The following CLIC4 variants were observed in gnomAD, a reference collection of about 807,000 sequenced individuals.
The protein encoded by CLIC4 is chloride intracellular channel protein 4.
Under a neutral mutation model 24.6 loss-of-function variants are expected in CLIC4, and 13 were observed. That is an observed-to-expected ratio of 0.53 (90% CI 0.34 to 0.84). The LOEUF (loss-of-function observed/expected upper bound fraction) is 0.84, where lower values mean the gene tolerates loss of function less well. Among genes scored for constraint, CLIC4 ranks in the 40% least tolerant of loss-of-function variants. The pLI, the probability that CLIC4 is intolerant of heterozygous loss-of-function variation, is 0.01. For missense variants in CLIC4, 227 were observed against 301.7 expected, an observed-to-expected ratio of 0.75 and a Z score of 1.83; for synonymous variants, 104 against 111.3, an observed-to-expected ratio of 0.93 and a Z score of 0.41.
At chr1:24,761,244 T>C (rs1363083225) in intron 1 of CLIC4, among the ~76,000 whole-genome samples, 1 of 152,134 alleles carries the variant, frequency 6.6e-6, no homozygotes, top group Non-Finnish European at 1.5e-5. Context: ...AATTTATTAA[T>C]ACCTCATAGA....
intron 2 of CLIC4, among the ~76,000 whole-genome samples, chr1:24,803,658 A>G (rs190105713): frequency 2.2e-4 from 33 of 152,348 alleles, no homozygotes; most frequent in Admixed American, 1.7e-3. Flanking sequence ...AAGAATTTCA[A>G]TTTACATCAA....
chr1:24,794,016 A>G (rs1354663857), intron 1 of CLIC4, among the ~76,000 whole-genome samples: 3 of 151,096 alleles, frequency 2.0e-5, no homozygotes, highest in Admixed American at 6.6e-5. Flanking sequence ...ATCTCTAGCA[A>G]TGTCAGAACG....
chr1:24,806,061 G>A (rs1257489451), intron 2 of CLIC4, among the ~76,000 whole-genome samples: 1 of 152,228 alleles, frequency 6.6e-6, no homozygotes, highest in African/African-American at 2.4e-5. Context: ...CTTTGCTCTT[G>A]ATGTCACGTA....
intron 2 of CLIC4, among the ~76,000 whole-genome samples, chr1:24,804,618 T>C (rs1383720814): frequency 4.0e-5 from 6 of 151,494 alleles, no homozygotes; most frequent in East Asian, 1.9e-4. Flanking sequence ...GAGGGAGATA[T>C]AGACACACAG....
chr1:24,796,159 G>A (rs1375267281), intron 1 of CLIC4, among the ~76,000 whole-genome samples: 1 of 152,092 alleles, frequency 6.6e-6, no homozygotes, highest in African/African-American at 2.4e-5. Context: ...GCATATGCCA[G>A]GGGTCTCAAA....
At chr1:24,805,111 AAAC>A (rs1639536502) in intron 2 of CLIC4, among the ~76,000 whole-genome samples, 2 of 151,146 alleles carry the variant, frequency 1.3e-5, no homozygotes, top group Admixed American at 6.6e-5. Flanking sequence ...AAAAACACAA[AAAC>A]AAAGACAAAC....
intron 1 of CLIC4, among the ~76,000 whole-genome samples, chr1:24,786,919 A>G (rs1243334033): frequency 4.0e-5 from 6 of 150,112 alleles, no homozygotes; most frequent in Admixed American, 3.3e-4. Context: ...TGCCAGGCCA[A>G]TTTTTATTTT....
At chr1:24,814,052 A>T (rs1325941733) in intron 2 of CLIC4, 42 bp from the exon 3 acceptor site, 1 of 1,610,930 alleles carries the variant, frequency 6.2e-7, no homozygotes, top group Non-Finnish European at 8.5e-7. Flanking sequence ...GTTGTTTAAG[A>T]GTAAAAAATG....
chr1:24,762,225 C>G (rs1232115061), intron 1 of CLIC4, among the ~76,000 whole-genome samples: 2 of 152,136 alleles, frequency 1.3e-5, no homozygotes, highest in African/African-American at 2.4e-5. Context: ...TTTGACCAGT[C>G]TGGGCAACAT....
chr1:24,820,528 T>C (rs979781052), intron 3 of CLIC4, among the ~76,000 whole-genome samples: 1 of 151,986 alleles, frequency 6.6e-6, no homozygotes, highest in African/African-American at 2.4e-5. Context: ...CCTCCCAAAT[T>C]GCTGGGATTA....
intron 1 of CLIC4, among the ~76,000 whole-genome samples, chr1:24,777,667 C>T (rs916472093): frequency 1.3e-5 from 2 of 152,102 alleles, no homozygotes; most frequent in Non-Finnish European, 2.9e-5. Flanking sequence ...ATACAATTGT[C>T]GCTACCTATA....
intron 2 of CLIC4, among the ~76,000 whole-genome samples, chr1:24,812,775 G>C (rs1461235330): frequency 6.6e-6 from 1 of 152,100 alleles, no homozygotes; most frequent in African/African-American, 2.4e-5. Context: ...CTGGAGTGCA[G>C]TGGTGCGATC....
At chr1:24,762,098 C>T (rs560954411) in intron 1 of CLIC4, among the ~76,000 whole-genome samples, 2 of 152,130 alleles carry the variant, frequency 1.3e-5, no homozygotes, top group African/African-American at 4.8e-5. Flanking sequence ...ATATGACATA[C>T]ACACACACAT....
intron 3 of CLIC4, among the ~76,000 whole-genome samples, chr1:24,814,825 ATTAT>A (rs1453386008): frequency 2.6e-5 from 4 of 152,228 alleles, no homozygotes; most frequent in African/African-American, 9.6e-5. Flanking sequence ...GATTCAAAGC[ATTAT>A]TTGTTTCTTT....
chr1:24,747,862 C>T (rs1638722325), intron 1 of CLIC4, among the ~76,000 whole-genome samples: 2 of 151,804 alleles, frequency 1.3e-5, no homozygotes, highest in South Asian at 4.2e-4. Context: ...TGGTGAAACC[C>T]TGTCTCTACT....
Position 24,841,702 on chromosome 1 carries a change from C to T in CLIC4, c.*765C>T, listed in dbSNP as rs148896762. On this transcript the variant is annotated 3_prime_UTR_variant, in exon 6 of 6. Transcript: ENST00000374379. ...AACTGATGGGCACCTGATACTCTGTCTAAATACGTTTGTTATATGTGTTTT... is the reference window on the plus strand; with the variant it reads ...AACTGATGGGCACCTGATACTCTGTTTAAATACGTTTGTTATATGTGTTTT... 6.2e-4 allele frequency: 94 copies of T among 152,664 alleles called. No homozygotes were observed. Among genetic ancestry groups the T allele is most frequent in the African/African-American group, 2.1e-3 (89 of 41,570 alleles). 9.5% of individuals were successfully genotyped at this position (152,664 alleles called of 1,614,324 possible).
intron 1 of CLIC4, among the ~76,000 whole-genome samples, chr1:24,758,972 T>C (rs2124087146): frequency 6.6e-6 from 1 of 152,226 alleles, no homozygotes; most frequent in East Asian, 1.9e-4. Flanking sequence ...TTTATTTAGG[T>C]TTTATAAAAG....
chr1:24,823,151 C>G (rs186879476), intron 3 of CLIC4, among the ~76,000 whole-genome samples: 4 of 152,126 alleles, frequency 2.6e-5, no homozygotes, highest in African/African-American at 9.7e-5. Flanking sequence ...TTAATCATGA[C>G]AAATATAAAT....
intron 2 of CLIC4, among the ~76,000 whole-genome samples, chr1:24,802,573 G>A (rs973330541): frequency 6.6e-6 from 1 of 152,086 alleles, no homozygotes; most frequent in East Asian, 1.9e-4. Context: ...GCTTCTTAGG[G>A]CAACTAAAAC....
Sources: allele counts gnomAD v4.1 joint callset (sites outside exome capture counted in the v4.1 genomes callset), GRCh38; gene constraint gnomAD v4.1.1; transcripts MANE v1.5; gene names NCBI Gene and HGNC (gene_info 2026-07-23, HGNC 2026-07-21).